The following LEKR1 variants were observed in gnomAD, a reference collection of about 807,000 sequenced individuals.
LEKR1 encodes protein LEKR1.
A neutral mutation model predicts 72.4 loss-of-function variants in LEKR1; 59 were observed. The ratio of observed to expected loss-of-function variants is 0.82; its 90% CI spans 0.66 to 1.01. The LOEUF is 1.01. LEKR1 is among the 50% of genes least tolerant of loss of function. The pLI is 0.00. For synonymous variants in LEKR1, 257 were observed against 263.2 expected, an observed-to-expected ratio of 0.98 and a Z score of 0.23; for missense variants, 728 against 759.2, an observed-to-expected ratio of 0.96 and a Z score of 0.48.
chr3:156,993,047 G>T (rs752446041), intron 8 of LEKR1, 27 bp from the exon 9 acceptor site: 1 of 1,242,526 alleles, frequency 8.0e-7, no homozygotes, highest in Non-Finnish European at 1.1e-6. Context: ...ATGTATGTTG[G>T]TGGGTGTTTT....
chr3:157,006,518 A>G (rs936254721), intron 9 of LEKR1, among the ~76,000 whole-genome samples: 2 of 152,232 alleles, frequency 1.3e-5, no homozygotes, highest in African/African-American at 4.8e-5. Flanking sequence ...ACCCAAGACA[A>G]ATGAAACCAT....
At chr3:156,829,419 G>A in intron 2 of LEKR1, 42 bp downstream of exon 2, 2 of 1,383,774 alleles carry the variant, frequency 1.4e-6, no homozygotes. Flanking sequence ...GTGGGAACAT[G>A]TAGCAGTTAC....
chr3:156,962,152 A>G (rs894607728), intron 6 of LEKR1, among the ~76,000 whole-genome samples: 1 of 152,220 alleles, frequency 6.6e-6, no homozygotes, highest in Non-Finnish European at 1.5e-5. Flanking sequence ...TGGCAGATAG[A>G]GATCTATGAA....
chr3:156,884,335 G>GT (rs546240266), intron 3 of LEKR1, among the ~76,000 whole-genome samples: 48 of 150,372 alleles, frequency 3.2e-4, no homozygotes, highest in East Asian at 2.3e-3. Flanking sequence ...GTTAATACCT[G>GT]TTTTTTTTTC....
chr3:156,904,818 TA>T (rs1300930272), intron 3 of LEKR1, among the ~76,000 whole-genome samples: 2 of 152,028 alleles, frequency 1.3e-5, no homozygotes, highest in African/African-American at 2.4e-5. Context: ...TGTGTGTATT[TA>T]TTTTTTTTTA....
intron 2 of LEKR1, among the ~76,000 whole-genome samples, chr3:156,848,390 T>C (rs1218066036): frequency 1.3e-5 from 2 of 152,284 alleles, no homozygotes; most frequent in East Asian, 3.9e-4. Flanking sequence ...GAATATATTA[T>C]GAAAGGGTGA....
intron 10 of LEKR1, among the ~76,000 whole-genome samples, chr3:157,013,541 A>G (rs1186130503): frequency 2.6e-5 from 4 of 152,168 alleles, no homozygotes; most frequent in Non-Finnish European, 5.9e-5. Context: ...TGAATTAATT[A>G]TATTGCAGAG....
chr3:156,961,254 T>G (rs538116614), intron 6 of LEKR1, among the ~76,000 whole-genome samples: 3 of 152,364 alleles, frequency 2.0e-5, no homozygotes, highest in African/African-American at 7.2e-5. Flanking sequence ...TAATTGAATC[T>G]TTTAAAACAG....
chr3:156,927,409 T>A lies in LEKR1; in HGVS notation c.384-20T>A, dbSNP rs1285781554. 1 of 861,814 alleles carries A rather than the reference T, an allele frequency of 1.2e-6. No homozygotes were observed. Among genetic ancestry groups the A allele is most frequent in the Non-Finnish European group, 1.5e-6 (1 of 685,240 alleles). 53.4% of individuals were successfully genotyped at this position (861,814 alleles called of 1,614,324 possible). A position where few individuals can be genotyped will look rare whatever the true frequency, so the allele number is the denominator to read the frequency against. ...TGCTTACTATTTTTTAAAATCCTAT[T>A]TTTTTTTTTTACTTTGCAGTCAAAG... On this transcript the variant is annotated intron_variant, in intron 4 of 12. Transcript: ENST00000356539.
intron 12 of LEKR1, among the ~76,000 whole-genome samples, chr3:157,030,182 A>T (rs1009885641): frequency 2.0e-5 from 3 of 152,052 alleles, no homozygotes; most frequent in Non-Finnish European, 4.4e-5. Context: ...TAAACAACCA[A>T]ATCTCGCATG....
chr3:156,859,917 T>C (rs1716571156), intron 3 of LEKR1, among the ~76,000 whole-genome samples: 1 of 152,210 alleles, frequency 6.6e-6, no homozygotes, highest in African/African-American at 2.4e-5. Context: ...TAAATTTTTC[T>C]TGGAGCTCTT....
intron 3 of LEKR1, among the ~76,000 whole-genome samples, chr3:156,885,344 A>T (rs1252737292): frequency 6.6e-6 from 1 of 151,972 alleles, no homozygotes; most frequent in East Asian, 1.9e-4. Context: ...TCTTTTGGGG[A>T]TGTTATCAAA....
At chr3:156,942,295 TA>T (rs35140412) in intron 5 of LEKR1, among the ~76,000 whole-genome samples, 2,955 of 151,864 alleles carry the variant, frequency 0.019, 102 homozygotes, top group African/African-American at 0.066. Context: ...ATTTAAAAGC[TA>T]AAAAAAATAC....
At chr3:156,914,391 C>T (rs1246695202) in intron 3 of LEKR1, among the ~76,000 whole-genome samples, 1 of 152,160 alleles carries the variant, frequency 6.6e-6, no homozygotes, top group Non-Finnish European at 1.5e-5. Context: ...TCATCTCCCA[C>T]TTATGAGTGA....
chr3:157,041,946 C>T (rs1013545826), intron 12 of LEKR1, among the ~76,000 whole-genome samples: 1 of 152,220 alleles, frequency 6.6e-6, no homozygotes, highest in African/African-American at 2.4e-5. Flanking sequence ...TATACTTACT[C>T]TAGGCACATC....
chr3:156,903,538 A>T (rs1401252136), intron 3 of LEKR1, among the ~76,000 whole-genome samples: 1 of 152,144 alleles, frequency 6.6e-6, no homozygotes, highest in Non-Finnish European at 1.5e-5. Flanking sequence ...AGCTTGAACT[A>T]GCTTAGGCAA....
At chr3:156,909,779 AT>A (rs1319547948) in intron 3 of LEKR1, among the ~76,000 whole-genome samples, 1 of 151,658 alleles carries the variant, frequency 6.6e-6, no homozygotes, top group Non-Finnish European at 1.5e-5. Context: ...TTTTCATTGG[AT>A]TTTTTAACAG....
intron 1 of LEKR1, chr3:156,826,860 G>A (rs199568219): frequency 6.4e-6 from 1 of 155,620 alleles, no homozygotes; most frequent in South Asian, 2.0e-4. Context: ...GGTTCTTTAC[G>A]TAAGGGCTTG....
intron 6 of LEKR1, among the ~76,000 whole-genome samples, chr3:156,972,739 T>C (rs1729342187): frequency 6.6e-6 from 1 of 150,656 alleles, no homozygotes; most frequent in Non-Finnish European, 1.5e-5. Flanking sequence ...ATAAACTTAA[T>C]TTAAATAATT....
Sources: allele counts gnomAD v4.1 joint callset (sites outside exome capture counted in the v4.1 genomes callset), GRCh38; gene constraint gnomAD v4.1.1; transcripts MANE v1.5; gene names NCBI Gene and HGNC (gene_info 2026-07-23, HGNC 2026-07-21).